TTC28: variants seen among roughly 807,000 people sequenced by gnomAD.
The protein encoded by TTC28 is tetratricopeptide repeat domain 28.
TTC28 carries 61 observed loss-of-function variants against 198.0 expected under a neutral mutation model. The observed-to-expected ratio is 0.31, with a 90% confidence interval of 0.25 to 0.38. The LOEUF (loss-of-function observed/expected upper bound fraction) is 0.38. Ranked by LOEUF, TTC28 falls within the 10% of genes least tolerant of loss-of-function variation. The pLI is 1.00. For missense variants in TTC28, 2,678 were observed against 3,164.0 expected (o/e 0.85, Z 3.69); for synonymous variants, 1,171 against 1,297.8 (o/e 0.90, Z 2.10).
intron 13 of TTC28, among the ~76,000 whole-genome samples, chr22:28,019,258 A>T (rs1938498276): frequency 6.6e-6 from 1 of 152,160 alleles, no homozygotes; most frequent in Admixed American, 6.5e-5. Context: ...GTTTTTAAAA[A>T]ATTTTTTTTT....
At chr22:28,126,157 A>G (rs1194872063) in intron 6 of TTC28, among the ~76,000 whole-genome samples, 1 of 152,252 alleles carries the variant, frequency 6.6e-6, no homozygotes, top group Non-Finnish European at 1.5e-5. Context: ...GAAATAATTT[A>G]CTGCAGCATT....
At chr22:28,504,391 A>G (rs1309298338) in intron 2 of TTC28, among the ~76,000 whole-genome samples, 3 of 152,158 alleles carry the variant, frequency 2.0e-5, no homozygotes, top group African/African-American at 7.2e-5. Context: ...GTAGCCATAT[A>G]TATACACATT....
chr22:28,016,868 C>T (rs1938398592), intron 13 of TTC28, among the ~76,000 whole-genome samples: 1 of 152,222 alleles, frequency 6.6e-6, no homozygotes, highest in African/African-American at 2.4e-5. Flanking sequence ...CTGACCCCTC[C>T]CTGAGGAGCA....
At chr22:28,471,429 C>A (rs766849721) in intron 2 of TTC28, among the ~76,000 whole-genome samples, 6 of 152,114 alleles carry the variant, frequency 3.9e-5, no homozygotes, top group Non-Finnish European at 8.8e-5. Flanking sequence ...CTAGAACAGT[C>A]TCTGTGACAA....
intron 2 of TTC28, among the ~76,000 whole-genome samples, chr22:28,600,553 A>G (rs903961146): frequency 2.0e-5 from 3 of 152,364 alleles, no homozygotes; most frequent in Middle Eastern, 6.8e-3. Context: ...GTGCAGTTCT[A>G]CAAAGATGCT....
chr22:28,547,560 C>T (rs2049571765), intron 2 of TTC28, among the ~76,000 whole-genome samples: 1 of 151,934 alleles, frequency 6.6e-6, no homozygotes, highest in Non-Finnish European at 1.5e-5. Context: ...CTCTTTCTAC[C>T]CCCAGTCAAT....
chr22:28,675,855 T>A (rs2051977223), intron 1 of TTC28, among the ~76,000 whole-genome samples: 1 of 151,352 alleles, frequency 6.6e-6, no homozygotes. Flanking sequence ...GAGGCTGAGG[T>A]GAGAGGATCT....
chr22:28,421,793 G>T (rs989038321), intron 2 of TTC28, among the ~76,000 whole-genome samples: 1 of 151,934 alleles, frequency 6.6e-6, no homozygotes, highest in Non-Finnish European at 1.5e-5. Flanking sequence ...AAATTAGCTG[G>T]GCTTTGTGGC....
intron 2 of TTC28, among the ~76,000 whole-genome samples, chr22:28,629,044 A>G (rs1010107622): frequency 2.6e-5 from 4 of 152,162 alleles, no homozygotes; most frequent in African/African-American, 9.7e-5. Flanking sequence ...TAAAGTATAT[A>G]TAATAAAAAA....
chr22:28,052,289 T>C (rs751631734), intron 12 of TTC28, among the ~76,000 whole-genome samples: 12 of 152,178 alleles, frequency 7.9e-5, no homozygotes, highest in Non-Finnish European at 1.8e-4. Flanking sequence ...CAGTGCCATA[T>C]AGTGACCCTT....
intron 2 of TTC28, among the ~76,000 whole-genome samples, chr22:28,512,196 C>G (rs766210890): frequency 2.6e-5 from 4 of 151,810 alleles, no homozygotes; most frequent in Non-Finnish European, 2.9e-5. Context: ...TGAAAAAAAG[C>G]TCAACATCAC....
chr22:28,453,602 C>T (rs549703339), intron 2 of TTC28, among the ~76,000 whole-genome samples: 3 of 152,282 alleles, frequency 2.0e-5, no homozygotes, highest in South Asian at 2.1e-4. Flanking sequence ...ACTTTATAGT[C>T]CCCTTTGATT....
At chr22:28,332,122 CG>C (rs1166422915) in intron 2 of TTC28, among the ~76,000 whole-genome samples, 1 of 152,010 alleles carries the variant, frequency 6.6e-6, no homozygotes, top group African/African-American at 2.4e-5. Context: ...TCAGATTTCA[CG>C]TCAATTTTTA....
At chr22:28,087,559 T>C (rs1243889188) in intron 12 of TTC28, among the ~76,000 whole-genome samples, 1 of 152,176 alleles carries the variant, frequency 6.6e-6, no homozygotes, top group African/African-American at 2.4e-5. Flanking sequence ...AATATCATAC[T>C]GAATGGCCAA....
At chr22:28,471,019 A>G (rs1221076187) in intron 2 of TTC28, among the ~76,000 whole-genome samples, 1 of 152,220 alleles carries the variant, frequency 6.6e-6, no homozygotes, top group Non-Finnish European at 1.5e-5. Flanking sequence ...TACAAAAACT[A>G]TACTCTACCA....
chr22:28,284,496 C>T (rs2044643255), intron 5 of TTC28, among the ~76,000 whole-genome samples: 1 of 151,872 alleles, frequency 6.6e-6, no homozygotes, highest in South Asian at 2.1e-4. Flanking sequence ...GCATAGATAA[C>T]AAAAGAACAA....
intron 2 of TTC28, among the ~76,000 whole-genome samples, chr22:28,407,898 T>G (rs759492245): frequency 3.9e-5 from 6 of 152,228 alleles, no homozygotes; most frequent in African/African-American, 1.4e-4. Flanking sequence ...TTAAATCGAA[T>G]GTCATATAGT....
At chr22:28,095,042 T>C (rs1941932201) in intron 11 of TTC28, among the ~76,000 whole-genome samples, 1 of 152,126 alleles carries the variant, frequency 6.6e-6, no homozygotes, top group Non-Finnish European at 1.5e-5. Flanking sequence ...TGTCAAATCA[T>C]GTCCCCAAGA....
intron 5 of TTC28, among the ~76,000 whole-genome samples, chr22:28,224,468 T>G (rs1056528267): frequency 2.0e-5 from 3 of 152,152 alleles, no homozygotes; most frequent in Non-Finnish European, 4.4e-5. Context: ...AATACCTTGA[T>G]GGACCCCAGA....
Sources: allele counts gnomAD v4.1 joint callset (sites outside exome capture counted in the v4.1 genomes callset), GRCh38; gene constraint gnomAD v4.1.1; transcripts MANE v1.5; gene names NCBI Gene and HGNC (gene_info 2026-07-23, HGNC 2026-07-21).